Variants in ADGRV1 observed in about 807,000 individuals in gnomAD.
The protein encoded by ADGRV1 is adhesion G protein-coupled receptor V1, also known as G-protein coupled receptor 98.
A neutral mutation model predicts 596.2 loss-of-function variants in ADGRV1; 359 were observed. The observed-to-expected ratio is 0.60, with a 90% CI of 0.55 to 0.66. ADGRV1 has a LOEUF of 0.66. ADGRV1 is among the 30% of genes least tolerant of loss of function. ADGRV1 has a pLI of 0.00. For synonymous variants in ADGRV1, 2,681 were observed against 2,679.2 expected (o/e 1.00, Z -0.02); for missense variants, 7,274 against 7,575.6 (o/e 0.96, Z 1.48).
At chr5:90,998,186 G>A (rs1781568729) in intron 85 of ADGRV1, among the ~76,000 whole-genome samples, 1 of 152,136 alleles carries the variant, frequency 6.6e-6, no homozygotes. Flanking sequence ...ACCAACCTGA[G>A]TTAGGAGCTT....
chr5:90,809,242 C>G (rs992738067), intron 73 of ADGRV1, among the ~76,000 whole-genome samples: 2 of 146,206 alleles, frequency 1.4e-5, no homozygotes, highest in Non-Finnish European at 3.0e-5. Context: ...AGGCGTGAGC[C>G]ACCGCGGCCA....
intron 81 of ADGRV1, 43 bp downstream of exon 81, chr5:90,854,244 C>G (rs1373588951): frequency 1.4e-6 from 2 of 1,448,250 alleles, no homozygotes; most frequent in East Asian, 2.5e-5. Flanking sequence ...TGGTCCTTCC[C>G]CATTTCGGTA....
intron 1 of ADGRV1, among the ~76,000 whole-genome samples, chr5:90,573,623 T>C (rs1439369200): frequency 6.6e-6 from 1 of 152,186 alleles, no homozygotes; most frequent in Non-Finnish European, 1.5e-5. Flanking sequence ...CATCACTGAC[T>C]GAAACATCAT....
chr5:90,924,204 A>G (rs1404240196), intron 83 of ADGRV1, among the ~76,000 whole-genome samples: 1 of 151,798 alleles, frequency 6.6e-6, no homozygotes, highest in African/African-American at 2.4e-5. Context: ...AGGAATCATC[A>G]CACTGACTTC....
intron 85 of ADGRV1, among the ~76,000 whole-genome samples, chr5:91,011,664 A>G (rs1194796745): frequency 6.6e-6 from 1 of 151,972 alleles, no homozygotes; most frequent in Non-Finnish European, 1.5e-5. Context: ...TTCTCTAACT[A>G]GTATCATCAT....
rs934868575 is a variant in ADGRV1 at position 90,689,312 on chromosome 5, C to T, written c.6491-549C>T. 8.0e-5 allele frequency among the ~76,000 whole-genome samples: 12 copies of T among 149,984 alleles called. No individual in the cohort carries two copies. The Admixed American group carries it at 8.1e-4, about 10-fold the overall frequency. On this transcript the variant is annotated intron_variant, in intron 29 of 89. Transcript: ENST00000405460. ...TAGTCCTCAGTCTTCACATGAAGCA[C>T]CCCTCCTTTCCCCACCCACCTTTTT...
intron 78 of ADGRV1, among the ~76,000 whole-genome samples, chr5:90,842,827 C>A (rs566605695): frequency 1.3e-5 from 2 of 152,218 alleles, no homozygotes; most frequent in South Asian, 4.2e-4. Flanking sequence ...ATTTTCAAAT[C>A]AAGTTATTGT....
intron 85 of ADGRV1, among the ~76,000 whole-genome samples, chr5:91,068,730 A>G (rs1047806099): frequency 5.3e-5 from 8 of 152,132 alleles, no homozygotes; most frequent in Admixed American, 6.5e-5. Context: ...TACAGAGTCA[A>G]TGCTATTCCT....
intron 87 of ADGRV1, among the ~76,000 whole-genome samples, chr5:91,125,403 G>A (rs1346702671): frequency 6.6e-6 from 1 of 152,196 alleles, no homozygotes; most frequent in African/African-American, 2.4e-5. Flanking sequence ...ATACTTGGAA[G>A]ATACAGTGAG....
At chr5:90,775,074 T>C (rs758044119) in intron 60 of ADGRV1, among the ~76,000 whole-genome samples, 22 of 152,188 alleles carry the variant, frequency 1.4e-4, no homozygotes, top group Admixed American at 6.5e-4. Context: ...GTAATGATTC[T>C]AAAATGGTTT....
intron 4 of ADGRV1, among the ~76,000 whole-genome samples, chr5:90,619,872 A>G (rs1247515759): frequency 6.6e-6 from 1 of 150,434 alleles, no homozygotes; most frequent in South Asian, 2.1e-4. Flanking sequence ...TGTCCTTGCG[A>G]TAGTTTGCTG....
intron 75 of ADGRV1, among the ~76,000 whole-genome samples, chr5:90,820,934 C>G (rs1763434027): frequency 6.6e-6 from 1 of 151,948 alleles, no homozygotes; most frequent in South Asian, 2.1e-4. Context: ...GTGGCGTTCT[C>G]TGCATTTCCT....
At chr5:90,882,605 G>GT (rs1307743942) in intron 83 of ADGRV1, among the ~76,000 whole-genome samples, 3 of 152,072 alleles carry the variant, frequency 2.0e-5, no homozygotes, top group African/African-American at 7.2e-5. Flanking sequence ...AACTCCCTTT[G>GT]TGCCCTGCAG....
At chr5:90,807,804 C>G in intron 73 of ADGRV1, 67 bp downstream of exon 73, 1 of 1,344,752 alleles carries the variant, frequency 7.4e-7, no homozygotes, top group Non-Finnish European at 1.0e-6. Flanking sequence ...TCCATCAAAA[C>G]AGAAAAAGGC....
chr5:90,856,184 T>C (rs996801358), intron 82 of ADGRV1, among the ~76,000 whole-genome samples: 2 of 152,192 alleles, frequency 1.3e-5, no homozygotes, highest in African/African-American at 4.8e-5. Flanking sequence ...GGAAAGGCTA[T>C]AGTTTACAGT....
At position 90,791,310 on chromosome 5, in the gene ADGRV1, C is replaced by G; in HGVS notation, c.14481C>G (p.Ala4827=). The G allele has an allele frequency of 6.3e-7, 1 of 1,587,252 alleles. No homozygotes were observed. The highest frequency in any genetic ancestry group is 1.1e-5 in the South Asian group (1 of 87,476). ...AERQLVVKDG[A]TYKVDVVPIK... ...GGCAGCTGGTGGTCAAAGATGGTGC[C>G]ACATATAAAGTGGACGTGGTGCCAA... Residue 4827 remains alanine, a synonymous_variant, in exon 70 of 90, where the codon GCC becomes GCG. Transcript: ENST00000405460.
intron 1 of ADGRV1, among the ~76,000 whole-genome samples, chr5:90,599,485 A>G (rs970446712): frequency 1.3e-5 from 2 of 152,214 alleles, no homozygotes; most frequent in African/African-American, 4.8e-5. Flanking sequence ...TCTAGAGGGT[A>G]CTTAACAATC....
chr5:90,815,476 A>G, intron 74 of ADGRV1, 143 bp from the exon 75 acceptor site: 1 of 499,210 alleles, frequency 2.0e-6, no homozygotes, highest in Non-Finnish European at 3.6e-6. Context: ...TATTTTTAAT[A>G]AAGATCTTTT....
chr5:90,677,369 T>C (rs187850590), intron 25 of ADGRV1, among the ~76,000 whole-genome samples: 128 of 152,302 alleles, frequency 8.4e-4, no homozygotes, highest in African/African-American at 3.0e-3. Context: ...CTGAGCTTGG[T>C]TGAATGCATA....
Sources: allele counts gnomAD v4.1 joint callset (sites outside exome capture counted in the v4.1 genomes callset), GRCh38; gene constraint gnomAD v4.1.1; transcripts MANE v1.5; gene names NCBI Gene and HGNC (gene_info 2026-07-23, HGNC 2026-07-21).